The following ANKRD11 variants were observed in gnomAD, a reference collection of about 807,000 sequenced individuals.
ANKRD11 encodes ankyrin repeat domain-containing protein 11.
A neutral mutation model predicts 195.7 loss-of-function variants in ANKRD11; 17 were observed. The ratio of observed to expected loss-of-function variants is 0.09; its 90% CI spans 0.06 to 0.13. ANKRD11 has a LOEUF of 0.13. Among genes scored for constraint, ANKRD11 ranks in the 10% least tolerant of loss-of-function variants. The pLI, the probability that ANKRD11 is intolerant of heterozygous loss-of-function variation, is 1.00. For missense variants in ANKRD11, 3,735 were observed against 3,566.1 expected (o/e 1.05, Z -1.21); for synonymous variants, 1,953 against 1,528.1 (o/e 1.28, Z -6.49).
At chr16:89,456,287 G>A (rs1380002824) in intron 1 of ANKRD11, among the ~76,000 whole-genome samples, 1 of 151,526 alleles carries the variant, frequency 6.6e-6, no homozygotes. Flanking sequence ...GCTGGCTCAT[G>A]CCTGTAATCC....
At chr16:89,377,351 A>G (rs2040466538) in intron 2 of ANKRD11, among the ~76,000 whole-genome samples, 1 of 152,146 alleles carries the variant, frequency 6.6e-6, no homozygotes, top group Non-Finnish European at 1.5e-5. Flanking sequence ...AAGCCATGAA[A>G]GCTGTCAAAC....
At chr16:89,384,887 T>TTTTTTTTTTTTTTTTTTTTTTTG in intron 2 of ANKRD11, among the ~76,000 whole-genome samples, 1 of 116,272 alleles carries the variant, frequency 8.6e-6, no homozygotes, top group Admixed American at 8.9e-5. Flanking sequence ...TTCTTTTTTT[T>TTTTTTTTTTTTTTTTTTTTTTTG]TTTTTTTTTT....
At chr16:89,482,586 C>T (rs1275175864) in intron 1 of ANKRD11, among the ~76,000 whole-genome samples, 1 of 152,200 alleles carries the variant, frequency 6.6e-6, no homozygotes, top group Non-Finnish European at 1.5e-5. Flanking sequence ...GGGAGATGAC[C>T]TCGCAGTGCT....
chr16:89,295,203 CG>C (rs2151818091), intron 4 of ANKRD11, among the ~76,000 whole-genome samples: 1 of 152,322 alleles, frequency 6.6e-6, no homozygotes, highest in Admixed American at 6.5e-5. Context: ...GCCCTGCAGT[CG>C]GAACACGGCC....
intron 2 of ANKRD11, among the ~76,000 whole-genome samples, chr16:89,414,843 T>C (rs1437248652): frequency 6.6e-6 from 1 of 150,914 alleles, no homozygotes; most frequent in Non-Finnish European, 1.5e-5. Flanking sequence ...GAAGCGACTG[T>C]GGATCTCATC....
At position 89,363,710 on chromosome 16, in the gene ANKRD11, CA is replaced by C. The variant is rs755971883; in HGVS notation, c.-59-46633del. Among the ~76,000 whole-genome samples the C allele has an allele frequency of 2.6e-4, 40 of 152,282 alleles. No homozygotes were observed. In the East Asian group the frequency reaches 7.5e-3, roughly 29 times the overall value. ...GTGGCCCAGGCCCCTGTGAAACAAA[CA>C]CACTCTCTGTGGTAGACTGGAAGAA... On this transcript the variant is annotated intron_variant, in intron 2 of 12. Transcript: ENST00000301030.
At chr16:89,349,662 G>C (rs1436772740) in intron 2 of ANKRD11, among the ~76,000 whole-genome samples, 1 of 152,042 alleles carries the variant, frequency 6.6e-6, no homozygotes, top group Admixed American at 6.6e-5. Flanking sequence ...TTTCATAATT[G>C]AAGTAAATAT....
intron 1 of ANKRD11, among the ~76,000 whole-genome samples, chr16:89,469,170 G>C (rs897353487): frequency 6.6e-5 from 10 of 151,472 alleles, no homozygotes; most frequent in African/African-American, 2.4e-4. Flanking sequence ...ACAGGGCGAG[G>C]CTCTGTTTCA....
At chr16:89,419,467 A>AG (rs2042427627) in intron 1 of ANKRD11, among the ~76,000 whole-genome samples, 1 of 151,610 alleles carries the variant, frequency 6.6e-6, no homozygotes, top group African/African-American at 2.4e-5. Flanking sequence ...AAAAAAAAAA[A>AG]GGCAGCTGAA....
At chr16:89,387,707 AAAAG>A (rs2040983577) in intron 2 of ANKRD11, among the ~76,000 whole-genome samples, 1 of 138,796 alleles carries the variant, frequency 7.2e-6, no homozygotes, top group Non-Finnish European at 1.6e-5. Flanking sequence ...AAAAAAAAAA[AAAAG>A]ACTGTGCTTG....
At chr16:89,394,831 T>C (rs1442199353) in intron 2 of ANKRD11, among the ~76,000 whole-genome samples, 1 of 152,146 alleles carries the variant, frequency 6.6e-6, no homozygotes, top group Non-Finnish European at 1.5e-5. Context: ...TATTGAGTTA[T>C]TTTTCAAACG....
intron 6 of ANKRD11, 129 bp downstream of exon 6, chr16:89,290,474 CGGGGGAGGCTCAGGGCTCCAAT>C (rs2034983665): frequency 8.4e-6 from 4 of 474,342 alleles, no homozygotes; most frequent in African/African-American, 4.9e-5. Flanking sequence ...AGGGCTCCAG[CGGGGGAGGCTCAGGGCTCCAAT>C]GGGGGGAGGC....
At chr16:89,308,444 C>T (rs1015583957) in intron 3 of ANKRD11, among the ~76,000 whole-genome samples, 10 of 152,190 alleles carry the variant, frequency 6.6e-5, no homozygotes, top group Admixed American at 1.3e-4. Context: ...GGCAAGACTG[C>T]CTACAGGCAC....
At chr16:89,401,820 T>A (rs930579083) in intron 2 of ANKRD11, among the ~76,000 whole-genome samples, 1 of 151,666 alleles carries the variant, frequency 6.6e-6, no homozygotes. Flanking sequence ...GAGGCGGAGA[T>A]CGTGGTGATG....
chr16:89,318,536 T>C (rs2037105121), intron 2 of ANKRD11, among the ~76,000 whole-genome samples: 1 of 149,532 alleles, frequency 6.7e-6, no homozygotes, highest in African/African-American at 2.5e-5. Context: ...GCACGAAGTA[T>C]GGCTTTTGAA....
chr16:89,294,762 G>A (rs996230692), intron 4 of ANKRD11, among the ~76,000 whole-genome samples: 4 of 152,196 alleles, frequency 2.6e-5, no homozygotes, highest in Non-Finnish European at 4.4e-5. Flanking sequence ...AGTGGGTCCC[G>A]CACTGCCTGC....
At chr16:89,482,857 A>G (rs1241187615) in intron 1 of ANKRD11, among the ~76,000 whole-genome samples, 1 of 152,238 alleles carries the variant, frequency 6.6e-6, no homozygotes, top group African/African-American at 2.4e-5. Flanking sequence ...TGAGGAAAGC[A>G]CTACAGGCCG....
At chr16:89,473,582 G>A (rs2057159642) in intron 1 of ANKRD11, among the ~76,000 whole-genome samples, 1 of 152,220 alleles carries the variant, frequency 6.6e-6, no homozygotes, top group South Asian at 2.1e-4. Flanking sequence ...TCTACAAGTG[G>A]GTCCGGGAAT....
chr16:89,288,017 C>T (rs936550014), intron 7 of ANKRD11: 21 of 513,560 alleles, frequency 4.1e-5, no homozygotes, highest in South Asian at 1.8e-4. Context: ...AGGCACACCA[C>T]GACCTCTCTC....
Sources: allele counts gnomAD v4.1 joint callset (sites outside exome capture counted in the v4.1 genomes callset), GRCh38; gene constraint gnomAD v4.1.1; transcripts MANE v1.5; gene names NCBI Gene and HGNC (gene_info 2026-07-23, HGNC 2026-07-21).